SEMA3C: variants seen among roughly 807,000 people sequenced by gnomAD.
SEMA3C encodes the protein semaphorin 3C.
A neutral mutation model predicts 89.4 loss-of-function variants in SEMA3C; 47 were observed. The ratio of observed to expected loss-of-function variants is 0.53; its 90% CI spans 0.42 to 0.67. SEMA3C has a LOEUF of 0.67. Among genes scored for constraint, SEMA3C ranks in the 30% least tolerant of loss-of-function variants. SEMA3C has a pLI of 0.00. For missense variants in SEMA3C, 839 were observed against 929.1 expected (o/e 0.90, Z 1.26); for synonymous variants, 310 against 320.2 (o/e 0.97, Z 0.34).
chr7:80,784,280 AAAAG>A (rs1788753362), intron 12 of SEMA3C, among the ~76,000 whole-genome samples: 1 of 139,504 alleles, frequency 7.2e-6, no homozygotes, highest in South Asian at 2.5e-4. Context: ...TTAAAAAAAA[AAAAG>A]AGAGATAAAG....
At chr7:80,784,457 A>C (rs1229786787) in intron 12 of SEMA3C, among the ~76,000 whole-genome samples, 1 of 147,362 alleles carries the variant, frequency 6.8e-6, no homozygotes, top group Admixed American at 6.7e-5. Flanking sequence ...ACAAAGTAGC[A>C]GCATTTTTTT....
chr7:80,834,853 A>G (rs1219615802), intron 2 of SEMA3C, among the ~76,000 whole-genome samples: 1 of 152,180 alleles, frequency 6.6e-6, no homozygotes, highest in African/African-American at 2.4e-5. Context: ...ATTACATAAA[A>G]TACCCAATAC....
At chr7:80,824,354 C>T (rs1415817105) in intron 4 of SEMA3C, among the ~76,000 whole-genome samples, 1 of 152,084 alleles carries the variant, frequency 6.6e-6, no homozygotes, top group Non-Finnish European at 1.5e-5. Flanking sequence ...CTGTGTCCTA[C>T]CCGCAAGCCC....
intron 2 of SEMA3C, among the ~76,000 whole-genome samples, chr7:80,885,837 T>C (rs1791462532): frequency 6.6e-6 from 1 of 152,240 alleles, no homozygotes; most frequent in Admixed American, 6.5e-5. Flanking sequence ...ATACTGCATG[T>C]ACATATTTGC....
chr7:80,847,940 C>T (rs1340579939), intron 2 of SEMA3C, among the ~76,000 whole-genome samples: 1 of 152,168 alleles, frequency 6.6e-6, no homozygotes, highest in African/African-American at 2.4e-5. Flanking sequence ...TTGGTCTTTT[C>T]TGATTTCAAG....
At chr7:80,757,788 G>A (rs1788097551) in intron 15 of SEMA3C, among the ~76,000 whole-genome samples, 1 of 152,042 alleles carries the variant, frequency 6.6e-6, no homozygotes, top group Non-Finnish European at 1.5e-5. Flanking sequence ...GGCCAAGATG[G>A]TGAAACCCCA....
At chr7:80,765,424 T>A (rs1788276227) in intron 12 of SEMA3C, among the ~76,000 whole-genome samples, 181 bp from the exon 13 acceptor site, 1 of 152,152 alleles carries the variant, frequency 6.6e-6, no homozygotes, top group East Asian at 1.9e-4. Context: ...TTGAAACACA[T>A]ACAATTCAAG....
intron 2 of SEMA3C, among the ~76,000 whole-genome samples, chr7:80,885,106 A>C (rs541874854): frequency 3.9e-5 from 6 of 152,182 alleles, no homozygotes; most frequent in Non-Finnish European, 8.8e-5. Flanking sequence ...CAAGAAAGAC[A>C]ATTCTTATAA....
At chr7:80,918,727 G>T in intron 1 of SEMA3C, 101 bp downstream of exon 1, 2 of 718,038 alleles carry the variant, frequency 2.8e-6, no homozygotes, top group Non-Finnish European at 3.4e-6. Context: ...TTAAGAAAAT[G>T]TCCAGGCTTG....
At chr7:80,898,761 A>T (rs1056674588) in intron 2 of SEMA3C, among the ~76,000 whole-genome samples, 1 of 151,950 alleles carries the variant, frequency 6.6e-6, no homozygotes, top group Non-Finnish European at 1.5e-5. Context: ...ATAATTATGC[A>T]AAATAGTATT....
intron 2 of SEMA3C, among the ~76,000 whole-genome samples, chr7:80,900,521 A>AT (rs1791853291): frequency 6.6e-6 from 1 of 152,212 alleles, no homozygotes. Context: ...TATTATCCTA[A>AT]TTGTATAGCC....
At chr7:80,901,155 A>G (rs1791870194) in intron 2 of SEMA3C, among the ~76,000 whole-genome samples, 1 of 152,216 alleles carries the variant, frequency 6.6e-6, no homozygotes, top group Admixed American at 6.5e-5. Flanking sequence ...AGATTATAAC[A>G]AAGTCAAATA....
chr7:80,891,831 A>G (rs557090184), intron 2 of SEMA3C, among the ~76,000 whole-genome samples: 1 of 152,222 alleles, frequency 6.6e-6, no homozygotes, highest in East Asian at 1.9e-4. Flanking sequence ...CTAAATGAAG[A>G]TTGTTTTTCC....
At chr7:80,775,488 C>A (rs1376903763) in intron 12 of SEMA3C, among the ~76,000 whole-genome samples, 2 of 152,144 alleles carry the variant, frequency 1.3e-5, no homozygotes, top group South Asian at 2.1e-4. Context: ...TCAGTATTTA[C>A]AATCTAATCC....
intron 12 of SEMA3C, among the ~76,000 whole-genome samples, chr7:80,771,118 C>A (rs1011979226): frequency 6.6e-6 from 1 of 152,186 alleles, no homozygotes; most frequent in Admixed American, 6.5e-5. Context: ...AAAAATTAAA[C>A]AAGTAAGACA....
In SEMA3C at chr7:80,837,853, T is replaced by C. The variant is rs538860636; in HGVS notation, c.104-9108A>G. On this transcript the variant is annotated intron_variant, in intron 2 of 17. Transcript: ENST00000265361. Reference sequence around the variant, plus strand: ...CTCTTGAAGGCTGCCTGGAAGGTCATCTGAAATGGTCTACAATGTCCTGGA... The same window carrying C: ...CTCTTGAAGGCTGCCTGGAAGGTCACCTGAAATGGTCTACAATGTCCTGGA... Among the ~76,000 whole-genome samples, 13 of 152,248 alleles carry C rather than the reference T, an allele frequency of 8.5e-5. No homozygotes were observed. The South Asian group carries it at 2.7e-3, about 32-fold the overall frequency.
intron 4 of SEMA3C, among the ~76,000 whole-genome samples, chr7:80,827,046 G>T (rs1455021641): frequency 6.6e-6 from 1 of 152,098 alleles, no homozygotes; most frequent in Non-Finnish European, 1.5e-5. Context: ...CTTTTGCCAA[G>T]AATCTTTGTT....
At chr7:80,819,187 C>T (rs1789685628) in intron 4 of SEMA3C, among the ~76,000 whole-genome samples, 1 of 148,968 alleles carries the variant, frequency 6.7e-6, no homozygotes, top group African/African-American at 2.5e-5. Context: ...CCTTTCTGCT[C>T]CATTTTTTTA....
intron 2 of SEMA3C, among the ~76,000 whole-genome samples, chr7:80,912,446 C>T (rs1584004578): frequency 6.6e-6 from 1 of 152,172 alleles, no homozygotes; most frequent in African/African-American, 2.4e-5. Flanking sequence ...TACCTTGCTG[C>T]TTTACAAATT....
Sources: allele counts gnomAD v4.1 joint callset (sites outside exome capture counted in the v4.1 genomes callset), GRCh38; gene constraint gnomAD v4.1.1; transcripts MANE v1.5; gene names NCBI Gene and HGNC (gene_info 2026-07-23, HGNC 2026-07-21).